Variants in PPP1R9A observed in about 807,000 individuals in gnomAD.
PPP1R9A encodes neurabin-1.
PPP1R9A carries 59 observed loss-of-function variants against 141.9 expected under a neutral mutation model. The observed-to-expected ratio is 0.42, with a 90% CI of 0.34 to 0.52. The LOEUF is 0.52. Among genes scored for constraint, PPP1R9A ranks in the 20% least tolerant of loss-of-function variants. The probability of loss-of-function intolerance (pLI) is 0.10; values close to 1 mark genes in which losing one functional copy is unlikely to be tolerated. For missense variants in PPP1R9A, 1,444 were observed against 1,611.9 expected (o/e 0.90, Z 1.78); for synonymous variants, 500 against 569.7 (o/e 0.88, Z 1.74).
chr7:94,965,144 G>T (rs545026633), intron 2 of PPP1R9A, among the ~76,000 whole-genome samples: 7 of 151,510 alleles, frequency 4.6e-5, no homozygotes, highest in Non-Finnish European at 8.8e-5. Context: ...CATATTCTTT[G>T]CCCACTTCTT....
At chr7:94,923,339 A>G (rs558902028) in intron 2 of PPP1R9A, among the ~76,000 whole-genome samples, 2 of 152,318 alleles carry the variant, frequency 1.3e-5, no homozygotes, top group African/African-American at 4.8e-5. Context: ...AAAATAATAA[A>G]CATGTACTTA....
At position 94,997,809 on chromosome 7, in the gene PPP1R9A, C is replaced by A. The variant is rs571559521; in HGVS notation, c.1395+86301C>A. On this transcript the variant is annotated intron_variant, in intron 2 of 19. Transcript: ENST00000433360. The stretch of plus-strand genomic sequence containing the variant: ...TACAAACTCTGGCCTCTTCAGTCTC[C>A]CTAGAGTCTTATTTTTAACTCCTCA... Among the ~76,000 whole-genome samples the A allele has an allele frequency of 2.0e-4, 30 of 152,220 alleles. 1 individual carries two copies. The South Asian group carries it at 6.2e-3, about 32-fold the overall frequency.
chr7:95,005,037 C>G (rs1250024882), intron 2 of PPP1R9A, among the ~76,000 whole-genome samples: 1 of 152,132 alleles, frequency 6.6e-6, no homozygotes, highest in Non-Finnish European at 1.5e-5. Context: ...AAACTATATA[C>G]TTTCGTTTGT....
chr7:94,999,672 AAAACATCTCC>A (rs1802613934), intron 2 of PPP1R9A, among the ~76,000 whole-genome samples: 2 of 152,218 alleles, frequency 1.3e-5, no homozygotes, highest in Admixed American at 6.5e-5. Flanking sequence ...TAAAATCAAC[AAAACATCTCC>A]TAAGAAATTG....
intron 2 of PPP1R9A, among the ~76,000 whole-genome samples, chr7:95,096,549 CCT>C (rs752978886): frequency 6.6e-6 from 1 of 152,122 alleles, no homozygotes; most frequent in Non-Finnish European, 1.5e-5. Context: ...GCTTCTGGCT[CCT>C]CTCTTTCTTT....
intron 4 of PPP1R9A, among the ~76,000 whole-genome samples, chr7:95,132,443 T>C (rs1824826381): frequency 6.6e-6 from 1 of 152,156 alleles, no homozygotes; most frequent in African/African-American, 2.4e-5. Context: ...GAAGATCGTA[T>C]GGTTTTTGTT....
chr7:95,274,157 T>C lies in PPP1R9A; in HGVS notation c.3285T>C (p.Ser1095=), dbSNP rs1338135223. The C allele has an allele frequency of 1.3e-6, 2 of 1,570,858 alleles. No homozygotes were observed. The highest frequency in any genetic ancestry group is 1.7e-5 in the Admixed American group (1 of 57,150). The change falls in exon 16 of 20, where the codon TCT becomes TCC. Residue 1095 remains serine, a synonymous_variant. Coordinates refer to ENST00000433360, the MANE Select transcript of PPP1R9A (RefSeq NM_001166160.2). ...AAGAAAAAGAAGCCAGTAGGTTTTC[T>C]GCAGGTAGCAGGTACGGTTGTGTGA... ...KEKEKEASRF[S]AGSRIFRGRL...
At chr7:95,024,531 G>A (rs548383220) in intron 2 of PPP1R9A, among the ~76,000 whole-genome samples, 45 of 152,186 alleles carry the variant, frequency 3.0e-4, no homozygotes, top group African/African-American at 1.1e-3. Context: ...ATTATATAAT[G>A]CCTTTCTTTG....
Position 95,291,106 on chromosome 7 carries a change from C to T in PPP1R9A, c.*803C>T, listed in dbSNP as rs1480057161. On this transcript the variant is annotated 3_prime_UTR_variant, in exon 20 of 20. Transcript: ENST00000433360. ...GGGATATTGGGATCTGTTGACCTTG[C>T]TACTGCTGTGTGTTCAGCATTTCAG... is the stretch of plus-strand genomic sequence containing the variant. 6.6e-6 allele frequency: 1 copy of T among 152,146 alleles called. No individual in the cohort carries two copies. The highest frequency in any genetic ancestry group is 1.9e-4 in the East Asian group (1 of 5,192). 9.4% of individuals were successfully genotyped at this position (152,146 alleles called of 1,614,324 possible).
At chr7:95,085,816 T>C (rs1481087159) in intron 2 of PPP1R9A, among the ~76,000 whole-genome samples, 2 of 152,012 alleles carry the variant, frequency 1.3e-5, no homozygotes, top group African/African-American at 4.8e-5. Context: ...AGTTTTAAAT[T>C]TTAATACTAT....
At chr7:95,204,595 C>G (rs749547484) in intron 7 of PPP1R9A, among the ~76,000 whole-genome samples, 1 of 151,360 alleles carries the variant, frequency 6.6e-6, no homozygotes, top group Non-Finnish European at 1.5e-5. Flanking sequence ...ACATGCTTAA[C>G]ACACACACAC....
Position 95,291,376 on chromosome 7 carries a change from G to A in PPP1R9A, c.*1073G>A, listed in dbSNP as rs1806335449. On this transcript the variant is annotated 3_prime_UTR_variant, in exon 20 of 20. Transcript: ENST00000433360. ...TTAAGAAAAATAGAAATACCAGTTA[G>A]AGGAAACTGTCAGTTAACATTTTAG... 6.6e-6 allele frequency: 1 copy of A among 152,170 alleles called. No homozygotes were observed. The allele number at this position is 152,170 out of a possible 1,614,324, so 9.4% of individuals were successfully genotyped here.
At chr7:95,246,672 G>C (rs2152997287) in intron 8 of PPP1R9A, among the ~76,000 whole-genome samples, 1 of 152,264 alleles carries the variant, frequency 6.6e-6, no homozygotes, top group East Asian at 1.9e-4. Flanking sequence ...AAGGATTTCA[G>C]ACAAGAAATT....
intron 2 of PPP1R9A, among the ~76,000 whole-genome samples, chr7:94,973,320 A>C (rs1444747696): frequency 1.3e-5 from 2 of 152,222 alleles, no homozygotes; most frequent in East Asian, 3.9e-4. Flanking sequence ...GTGATTTAAT[A>C]AGATTATTGT....
At chr7:95,094,236 T>C (rs980340818) in intron 2 of PPP1R9A, among the ~76,000 whole-genome samples, 1 of 152,178 alleles carries the variant, frequency 6.6e-6, no homozygotes, top group African/African-American at 2.4e-5. Context: ...TGGATGTCTT[T>C]CTGCATGTTT....
intron 2 of PPP1R9A, among the ~76,000 whole-genome samples, chr7:94,966,045 A>G (rs568976221): frequency 7.9e-5 from 12 of 152,044 alleles, no homozygotes; most frequent in Non-Finnish European, 1.3e-4. Context: ...CATTCCTTTA[A>G]GTTGTATTCG....
intron 2 of PPP1R9A, among the ~76,000 whole-genome samples, chr7:94,916,687 GAATC>G (rs1486265343): frequency 6.6e-6 from 1 of 152,132 alleles, no homozygotes; most frequent in Non-Finnish European, 1.5e-5. Flanking sequence ...GTTTTTAATG[GAATC>G]AGAAATTTCA....
At chr7:95,202,013 G>A (rs1789668461) in intron 6 of PPP1R9A, among the ~76,000 whole-genome samples, 2 of 152,094 alleles carry the variant, frequency 1.3e-5, no homozygotes, top group Admixed American at 6.6e-5. Flanking sequence ...ATTGACAGAG[G>A]GTATTTGCTT....
At chr7:94,951,725 C>T (rs555795436) in intron 2 of PPP1R9A, among the ~76,000 whole-genome samples, 1 of 152,034 alleles carries the variant, frequency 6.6e-6, no homozygotes, top group African/African-American at 2.4e-5. Flanking sequence ...ATACCAGTCT[C>T]CTAGAATGAC....
Sources: gnomAD v4.1 joint callset for allele counts (sites outside exome capture counted in the v4.1 genomes callset) on GRCh38, gnomAD v4.1.1 for gene constraint, MANE v1.5 for transcripts, NCBI Gene and HGNC (gene_info 2026-07-23, HGNC 2026-07-21) for gene names.